TULP4: variants seen among roughly 807,000 people sequenced by gnomAD.
TULP4 encodes tubby-related protein 4.
In TULP4, 16 loss-of-function variants were observed where a neutral mutation model predicts 129.0. That is an observed-to-expected ratio of 0.12 (90% CI 0.08 to 0.19). The LOEUF (loss-of-function observed/expected upper bound fraction) is 0.19. Ranked by LOEUF, TULP4 falls within the 10% of genes least tolerant of loss-of-function variation. The pLI is 1.00. For synonymous variants in TULP4, 998 were observed against 854.0 expected (o/e 1.17, Z -2.94); for missense variants, 1,842 against 2,059.1 (o/e 0.89, Z 2.04).
At chr6:158,307,982 TCA>T (rs1402118295), upstream of TULP4, among the ~76,000 whole-genome samples, 21 of 151,884 alleles carry the variant, frequency 1.4e-4, no homozygotes, top group Admixed American at 6.6e-5. Context: ...ACTTGAAAGC[TCA>T]GTTTTTCTTT....
chr6:158,318,992 C>A (rs1779560579), intron 1 of TULP4, among the ~76,000 whole-genome samples: 1 of 151,842 alleles, frequency 6.6e-6, no homozygotes, highest in Non-Finnish European at 1.5e-5. Context: ...GTGATCCGCC[C>A]ACCTCAGCCT....
intron 5 of TULP4, among the ~76,000 whole-genome samples, chr6:158,454,606 C>T (rs1452128993): frequency 1.4e-5 from 2 of 142,896 alleles, no homozygotes; most frequent in East Asian, 1.9e-4. Flanking sequence ...CAACAGTTCT[C>T]TCTTTTTTTT....
chr6:158,294,905 T>G (rs1779002625), intron 1 of TULP4, among the ~76,000 whole-genome samples: 1 of 152,156 alleles, frequency 6.6e-6, no homozygotes, highest in Non-Finnish European at 1.5e-5. Context: ...CTAATTTTTG[T>G]AGAGACTGGG....
intron 7 of TULP4, among the ~76,000 whole-genome samples, chr6:158,480,208 C>T (rs532066452): frequency 3.9e-5 from 6 of 152,358 alleles, no homozygotes; most frequent in Non-Finnish European, 8.8e-5. Flanking sequence ...AGCTGGTATT[C>T]CTGGACTTCT....
chr6:158,400,024 A>C (rs145172379), intron 1 of TULP4, among the ~76,000 whole-genome samples: 125 of 152,326 alleles, frequency 8.2e-4, no homozygotes, highest in African/African-American at 2.9e-3. Context: ...GCTGTTGTCT[A>C]ATTGTCTGTT....
At position 158,502,816 on chromosome 6, in the gene TULP4, C is replaced by T; in HGVS notation, c.3153C>T (p.Ala1051=). 6.2e-7 allele frequency: 1 copy of T among 1,612,464 alleles called. No individual in the cohort carries two copies. Among genetic ancestry groups the T allele is most frequent in the Middle Eastern group, 1.6e-4 (1 of 6,062 alleles). The change falls in exon 13 of 14, where the codon GCC becomes GCT. Residue 1051 remains alanine, a synonymous_variant. Transcript: ENST00000367097. ...CAGGGCCCAGCTCACAGCCCGGAGC[C>T]TCCCTGGCCCATACCGCCAGCGCCT... is the stretch of plus-strand genomic sequence containing the variant. ...SGTGPSSQPG[A]SLAHTASASP...
intron 2 of TULP4, among the ~76,000 whole-genome samples, chr6:158,416,308 A>G (rs539932357): frequency 1.2e-4 from 18 of 152,352 alleles, no homozygotes; most frequent in African/African-American, 4.3e-4. Context: ...AGTCCAGTCA[A>G]GTTTGACACT....
intron 1 of TULP4, among the ~76,000 whole-genome samples, chr6:158,302,209 T>C (rs182996562): frequency 1.2e-4 from 18 of 152,376 alleles, no homozygotes; most frequent in African/African-American, 4.3e-4. Context: ...GTAGGGCTAT[T>C]CAGCACTCCC....
chr6:158,408,003 CA>C (rs1242466531), intron 1 of TULP4, among the ~76,000 whole-genome samples: 1 of 152,174 alleles, frequency 6.6e-6, no homozygotes, highest in African/African-American at 2.4e-5. Flanking sequence ...AGCTGTTATC[CA>C]ACCCCTTATC....
At chr6:158,482,806 T>A (rs1779977130) in intron 8 of TULP4, among the ~76,000 whole-genome samples, 1 of 152,196 alleles carries the variant, frequency 6.6e-6, no homozygotes, top group Admixed American at 6.5e-5. Context: ...TTTCCTCATG[T>A]GTGCATAAAT....
At chr6:158,481,418 C>A in intron 8 of TULP4, 129 bp downstream of exon 8, 1 of 793,874 alleles carries the variant, frequency 1.3e-6, no homozygotes, top group Non-Finnish European at 2.1e-6. Context: ...GTGGAACATC[C>A]TTGAAGCTAC....
chr6:158,339,415 T>A (rs1780126102), intron 1 of TULP4, among the ~76,000 whole-genome samples: 1 of 152,112 alleles, frequency 6.6e-6, no homozygotes, highest in Non-Finnish European at 1.5e-5. Flanking sequence ...ATTGTCAGCG[T>A]TCAAGAGCAG....
At chr6:158,427,356 A>G (rs1263727803) in intron 2 of TULP4, among the ~76,000 whole-genome samples, 1 of 152,110 alleles carries the variant, frequency 6.6e-6, no homozygotes, top group Non-Finnish European at 1.5e-5. Flanking sequence ...ACTTTACTGC[A>G]TGTAAATTAT....
At chr6:158,473,190 T>C (rs984155907) in intron 6 of TULP4, among the ~76,000 whole-genome samples, 29 of 152,238 alleles carry the variant, frequency 1.9e-4, no homozygotes, top group Non-Finnish European at 4.4e-5. Flanking sequence ...TGTGGACTTC[T>C]GTACTCTTGG....
At chr6:158,329,980 CATA>C (rs1432054820) in intron 1 of TULP4, among the ~76,000 whole-genome samples, 3 of 152,026 alleles carry the variant, frequency 2.0e-5, no homozygotes, top group Non-Finnish European at 2.9e-5. Context: ...GCAATAGAAA[CATA>C]ATATTAACCA....
At chr6:158,248,963 C>G (rs750865676) in intron 1 of TULP4, among the ~76,000 whole-genome samples, 9 of 151,402 alleles carry the variant, frequency 5.9e-5, no homozygotes, top group Non-Finnish European at 1.3e-4. Flanking sequence ...ATCACTGCAA[C>G]TAATGTAAAA....
intron 1 of TULP4, among the ~76,000 whole-genome samples, chr6:158,262,220 C>G (rs1320330586): frequency 6.6e-6 from 1 of 152,172 alleles, no homozygotes; most frequent in African/African-American, 2.4e-5. Context: ...TCACAAACAC[C>G]ACACCATCAT....
intron 2 of TULP4, among the ~76,000 whole-genome samples, chr6:158,429,330 G>A (rs377135466): frequency 2.6e-5 from 4 of 152,312 alleles, no homozygotes; most frequent in East Asian, 3.9e-4. Flanking sequence ...GTAGAGATGG[G>A]GTTTCACCAT....
intron 1 of TULP4, among the ~76,000 whole-genome samples, chr6:158,405,273 C>T (rs891835713): frequency 7.2e-5 from 11 of 152,196 alleles, no homozygotes; most frequent in African/African-American, 2.7e-4. Flanking sequence ...ATTTATAACA[C>T]ACCTGTTGGG....
Sources: gnomAD v4.1 joint callset for allele counts (sites outside exome capture counted in the v4.1 genomes callset) on GRCh38, gnomAD v4.1.1 for gene constraint, MANE v1.5 for transcripts, NCBI Gene and HGNC (gene_info 2026-07-23, HGNC 2026-07-21) for gene names.